Variants in DNAI7 observed in about 807,000 individuals in gnomAD.
The protein encoded by DNAI7 is cancer susceptibility 1.
In DNAI7, 78 loss-of-function variants were observed where a neutral mutation model predicts 86.6. That is an observed-to-expected ratio of 0.90 (90% CI 0.75 to 1.09). The LOEUF (loss-of-function observed/expected upper bound fraction) is 1.09, where lower values mean the gene tolerates loss of function less well. DNAI7 is among the 50% of genes least tolerant of loss of function. DNAI7 has a pLI of 0.00. For synonymous variants in DNAI7, 274 were observed against 273.0 expected (o/e 1.00, Z -0.04); for missense variants, 753 against 810.2 (o/e 0.93, Z 0.86).
At chr12:25,134,352 C>CTTTTTTTTT (rs5797119) in intron 9 of DNAI7, among the ~76,000 whole-genome samples, 4 of 91,178 alleles carry the variant, frequency 4.4e-5, no homozygotes, top group Non-Finnish European at 8.0e-5. Context: ...CCTTGGCGTA[C>CTTTTTTTTT]TTTTTTTTTT....
At chr12:25,137,734 G>A (rs1163119669) in intron 9 of DNAI7, among the ~76,000 whole-genome samples, 2 of 152,058 alleles carry the variant, frequency 1.3e-5, no homozygotes, top group African/African-American at 4.8e-5. Flanking sequence ...AAGCAAGCAG[G>A]AGTAGCTATT....
chr12:25,182,714 A>G (rs984372311), intron 2 of DNAI7, among the ~76,000 whole-genome samples: 10 of 151,750 alleles, frequency 6.6e-5, no homozygotes, highest in African/African-American at 2.2e-4. Context: ...CCTGAGCCCC[A>G]AAGTTTAAGA....
intron 9 of DNAI7, among the ~76,000 whole-genome samples, chr12:25,131,053 T>A (rs982344960): frequency 1.3e-5 from 2 of 152,090 alleles, no homozygotes; most frequent in Admixed American, 1.3e-4. Flanking sequence ...TGCATTATTA[T>A]ATCATACTTG....
chr12:25,195,118 G>C lies in DNAI7; in HGVS notation c.-40C>G, dbSNP rs749614134. 1.8e-5 allele frequency: 29 copies of C among 1,606,956 alleles called. No individual in the cohort carries two copies. Among genetic ancestry groups the C allele is most frequent in the Non-Finnish European group, 2.4e-5 (28 of 1,173,564 alleles). ...CACTGCAGTAGTCCGCAGAGTCGGA[G>C]CAGAAATTGTGTGGACAAACGCTCC... On this transcript the variant is annotated 5_prime_UTR_variant, in exon 1 of 16. Transcript: ENST00000395987.
At chr12:25,168,238 T>TA (rs1366500792) in intron 2 of DNAI7, among the ~76,000 whole-genome samples, 5 of 152,214 alleles carry the variant, frequency 3.3e-5, no homozygotes, top group Non-Finnish European at 7.3e-5. Context: ...GTGGATCCTC[T>TA]ACCTACATGT....
intron 10 of DNAI7, 52 bp downstream of exon 10, chr12:25,123,159 G>T (rs554303900): frequency 3.4e-6 from 4 of 1,175,860 alleles, no homozygotes; most frequent in East Asian, 2.7e-5. Flanking sequence ...TATTTCTTCT[G>T]TAAGAAGAAA....
At chr12:25,131,064 C>T (rs1160572490) in intron 9 of DNAI7, among the ~76,000 whole-genome samples, 1 of 151,752 alleles carries the variant, frequency 6.6e-6, no homozygotes, top group Non-Finnish European at 1.5e-5. Flanking sequence ...ATCATACTTG[C>T]CTTGCATCAG....
chr12:25,176,594 A>G (rs958698266), intron 2 of DNAI7, among the ~76,000 whole-genome samples: 1 of 151,868 alleles, frequency 6.6e-6, no homozygotes, highest in Admixed American at 6.6e-5. Flanking sequence ...TGTGAGAGAG[A>G]AACCTGGTTT....
chr12:25,144,793 C>T lies in DNAI7; in HGVS notation c.690-116G>A. The T allele has an allele frequency of 2.2e-5, 17 of 777,220 alleles. No homozygotes were observed. The South Asian group carries it at 3.0e-4, about 14-fold the overall frequency. 48.1% of individuals were successfully genotyped at this position (777,220 alleles called of 1,614,324 possible). A position where few individuals can be genotyped will look rare whatever the true frequency, so the allele number is the denominator to read the frequency against. The stretch of plus-strand genomic sequence containing the variant: ...CTTTAATTTTGCTCCAATTTTGACT[C>T]TGATCATATGTGCTTTCTTTGCAGC... On this transcript the variant is annotated intron_variant, in intron 8 of 15. Transcript: ENST00000395987.
At chr12:25,128,283 G>A (rs2140551788) in intron 9 of DNAI7, among the ~76,000 whole-genome samples, 1 of 152,284 alleles carries the variant, frequency 6.6e-6, no homozygotes, top group East Asian at 1.9e-4. Flanking sequence ...AAAATAAATT[G>A]TTGGAACTGA....
intron 9 of DNAI7, among the ~76,000 whole-genome samples, chr12:25,126,531 A>T (rs1411578426): frequency 6.6e-6 from 1 of 152,124 alleles, no homozygotes; most frequent in Non-Finnish European, 1.5e-5. Context: ...TTGAGGAGGG[A>T]CTGGATATAA....
At chr12:25,144,717 A>G (rs1944614018) in intron 8 of DNAI7, 40 bp from the exon 9 acceptor site, 1 of 1,471,944 alleles carries the variant, frequency 6.8e-7, no homozygotes, top group African/African-American at 1.4e-5. Flanking sequence ...ATGAGACCCT[A>G]GGAAACTCTA....
chr12:25,114,731 T>C lies in DNAI7; in HGVS notation c.1536A>G (p.Glu512=), dbSNP rs1939709810. The change falls in exon 13 of 16, where the codon GAA becomes GAG. Residue 512 remains glutamate (E), a synonymous_variant. Transcript: ENST00000395987. The stretch of plus-strand genomic sequence containing the variant: ...CTTTATTTACATCAAGTGGTCTTAG[T>C]TCCCATGACTGGTACGGCATGTTAA... ...AHINMPYQSW[E]LRPLDVNKVL... 2 of 1,613,876 alleles carry C rather than the reference T, an allele frequency of 1.2e-6. No homozygotes were observed. The highest frequency in any genetic ancestry group is 1.7e-5 in the Admixed American group (1 of 59,998).
chr12:25,143,955 A>C (rs1371286537), intron 9 of DNAI7, among the ~76,000 whole-genome samples: 1 of 152,206 alleles, frequency 6.6e-6, no homozygotes, highest in Non-Finnish European at 1.5e-5. Flanking sequence ...TAAGAAAATT[A>C]ATTTTTACTT....
chr12:25,128,136 T>C (rs1351600684), intron 9 of DNAI7, among the ~76,000 whole-genome samples: 1 of 152,200 alleles, frequency 6.6e-6, no homozygotes, highest in Non-Finnish European at 1.5e-5. Context: ...CTGCAAAATG[T>C]CAGCACTGAA....
At chr12:25,142,293 C>T (rs979046131) in intron 9 of DNAI7, among the ~76,000 whole-genome samples, 17 of 151,202 alleles carry the variant, frequency 1.1e-4, no homozygotes, top group African/African-American at 4.1e-4. Flanking sequence ...GGGAGCTAAG[C>T]TATGAGGATG....
At chr12:25,150,635 G>A (rs1246907637) in intron 6 of DNAI7, among the ~76,000 whole-genome samples, 1 of 149,402 alleles carries the variant, frequency 6.7e-6, no homozygotes, top group Non-Finnish European at 1.5e-5. Flanking sequence ...ATTAATAATG[G>A]AACATCATAT....
intron 9 of DNAI7, among the ~76,000 whole-genome samples, chr12:25,143,246 ATTTTTT>A (rs56888487): frequency 7.7e-6 from 1 of 129,848 alleles, no homozygotes; most frequent in Non-Finnish European, 1.6e-5. Context: ...AGTCTTCATA[ATTTTTT>A]TTTTTTTTTT....
intron 9 of DNAI7, among the ~76,000 whole-genome samples, chr12:25,130,463 G>C (rs1942758885): frequency 6.6e-6 from 1 of 152,020 alleles, no homozygotes; most frequent in Admixed American, 6.6e-5. Flanking sequence ...CATAAACCTG[G>C]GAGGCAGAGC....
Sources: gnomAD v4.1 joint callset for allele counts (sites outside exome capture counted in the v4.1 genomes callset) on GRCh38, gnomAD v4.1.1 for gene constraint, MANE v1.5 for transcripts, NCBI Gene and HGNC (gene_info 2026-07-23, HGNC 2026-07-21) for gene names.